NFIB: variants seen among roughly 807,000 people sequenced by gnomAD.
The protein encoded by NFIB is nuclear factor 1 B-type.
In NFIB, 11 loss-of-function variants were observed where a neutral mutation model predicts 61.5. The observed-to-expected ratio is 0.18, with a 90% CI of 0.11 to 0.30. The LOEUF (loss-of-function observed/expected upper bound fraction) is 0.30. NFIB is among the 10% of genes least tolerant of loss of function. The pLI is 1.00. For synonymous variants in NFIB, 260 were observed against 216.5 expected, an observed-to-expected ratio of 1.20 and a Z score of -1.76; for missense variants, 471 against 608.9, an observed-to-expected ratio of 0.77 and a Z score of 2.38.
At chr9:14,242,386 G>T (rs1022067152) in intron 2 of NFIB, among the ~76,000 whole-genome samples, 1 of 152,170 alleles carries the variant, frequency 6.6e-6, no homozygotes, top group Non-Finnish European at 1.5e-5. Context: ...GTTATTGCAA[G>T]AAGTCCTGCA....
rs935149601 is a variant in NFIB at position 14,321,937 on chromosome 9, A to G, written c.109-14417T>C. On this transcript the variant is annotated intron_variant, in intron 1 of 8. Transcript: ENST00000380934. ...ACAAAACCCATCAGTTCAAAGCCAC[A>G]TACCATCGCACTGTATTGCATTAAA... 2.2e-5 allele frequency: 27 copies of G among 1,231,740 alleles called. No homozygotes were observed. In the African/African-American group the frequency reaches 3.7e-4, roughly 17 times the overall value. The allele number at this position is 1,231,740 out of a possible 1,614,324, so 76.3% of individuals were successfully genotyped here.
At position 14,313,896 on chromosome 9, in the gene NFIB, G is replaced by C. The variant is rs1473700088; in HGVS notation, c.-385C>G. The C allele has an allele frequency of 4.6e-6, 5 of 1,079,498 alleles. No individual in the cohort carries two copies. Among genetic ancestry groups the C allele is most frequent in the Non-Finnish European group, 5.6e-6 (5 of 889,756 alleles). The allele number at this position is 1,079,498 out of a possible 1,614,324, so 66.9% of individuals were successfully genotyped here. On this transcript the variant is annotated 5_prime_UTR_variant, in exon 1 of 11. Transcript: ENST00000380953. The surrounding 1 kb of genome is among the most constrained non-coding windows in gnomAD (Gnocchi z 4.5). ...TAGGGGGTGCGCGAAGGTTCGGTGTGGGTTGGATTGGGGTGGTGGTTGGTG... is the reference window on the plus strand; with the variant it reads ...TAGGGGGTGCGCGAAGGTTCGGTGTCGGTTGGATTGGGGTGGTGGTTGGTG...
At chr9:14,288,088 A>AT (rs2058835620) in intron 2 of NFIB, among the ~76,000 whole-genome samples, 1 of 152,090 alleles carries the variant, frequency 6.6e-6, no homozygotes, top group South Asian at 2.1e-4. Flanking sequence ...TGCTTTCTAG[A>AT]TTTTTTAATT....
chr9:14,224,024 A>G (rs915987343), intron 2 of NFIB, among the ~76,000 whole-genome samples: 4 of 152,220 alleles, frequency 2.6e-5, no homozygotes, highest in Admixed American at 6.5e-5. Context: ...ATCTAAAACA[A>G]TATTAAAAGA....
At chr9:14,100,806 T>A (rs2035665644) in intron 10 of NFIB, among the ~76,000 whole-genome samples, 1 of 152,260 alleles carries the variant, frequency 6.6e-6, no homozygotes, top group Admixed American at 6.5e-5. Context: ...TATTTTTAGA[T>A]TTAGTAAGCC....
intron 2 of NFIB, among the ~76,000 whole-genome samples, chr9:14,216,532 CTCTCTCTCTCCCTCTG>C (rs1288344541): frequency 4.4e-4 from 17 of 38,846 alleles, no homozygotes; most frequent in African/African-American, 1.9e-3. Flanking sequence ...CTCTCTCTCT[CTCTCTCTCTCCCTCTG>C]TGTGTGTGTG....
the NFIB span, among the ~76,000 whole-genome samples, chr9:14,463,285 G>T: frequency 1.3e-5 from 2 of 151,748 alleles, no homozygotes; most frequent in Admixed American, 1.3e-4. Flanking sequence ...AAGACTTTAT[G>T]GGCATAATTA....
At chr9:14,292,052 A>G (rs887432746) in intron 2 of NFIB, among the ~76,000 whole-genome samples, 5 of 151,382 alleles carry the variant, frequency 3.3e-5, no homozygotes, top group Non-Finnish European at 7.4e-5. Flanking sequence ...TCTTGAATTA[A>G]TTTATCTTAA....
At chr9:14,279,830 A>T (rs1335994401) in intron 2 of NFIB, among the ~76,000 whole-genome samples, 1 of 152,210 alleles carries the variant, frequency 6.6e-6, no homozygotes, top group East Asian at 1.9e-4. Context: ...TGTAATAATG[A>T]TGTGAACTCA....
chr9:14,129,097 C>G (rs535813289), intron 6 of NFIB, among the ~76,000 whole-genome samples: 2 of 151,856 alleles, frequency 1.3e-5, no homozygotes, highest in Non-Finnish European at 2.9e-5. Context: ...ACAGAAGAAA[C>G]AGAATACAAT....
the NFIB span, among the ~76,000 whole-genome samples, chr9:14,475,708 A>C: frequency 6.6e-6 from 1 of 151,930 alleles, no homozygotes; most frequent in Non-Finnish European, 1.5e-5. Context: ...CTACCAACCC[A>C]CCTGTCAAAT....
chr9:14,328,390 C>T (rs1412802657), intron 1 of NFIB, among the ~76,000 whole-genome samples: 4 of 152,188 alleles, frequency 2.6e-5, no homozygotes, highest in Non-Finnish European at 4.4e-5. Context: ...AAGTGGTCTT[C>T]CTGCCTCAGC....
chr9:14,382,070 T>C (rs2061494500), intron 1 of NFIB, among the ~76,000 whole-genome samples: 1 of 152,174 alleles, frequency 6.6e-6, no homozygotes, highest in Admixed American at 6.5e-5. Context: ...TGCTTTCGAC[T>C]AGCTTGTCTC....
At chr9:14,219,860 C>G (rs1438842418) in intron 2 of NFIB, among the ~76,000 whole-genome samples, 1 of 152,184 alleles carries the variant, frequency 6.6e-6, no homozygotes, top group African/African-American at 2.4e-5. Flanking sequence ...TAAGAATCCT[C>G]TGGAAAGCCA....
At chr9:14,513,658 AAAAAG>A in the NFIB span, among the ~76,000 whole-genome samples, 18 of 113,624 alleles carry the variant, frequency 1.6e-4, no homozygotes, top group Non-Finnish European at 2.2e-4. Context: ...AAAGAAAAAG[AAAAAG>A]AAAAAAAAAG....
intron 8 of NFIB, among the ~76,000 whole-genome samples, chr9:14,119,888 GT>G (rs2038704249): frequency 6.6e-6 from 1 of 151,918 alleles, no homozygotes; most frequent in Non-Finnish European, 1.5e-5. Context: ...ACTGCACAAT[GT>G]TTCCAAAAAA....
intron 3 of NFIB, among the ~76,000 whole-genome samples, chr9:14,166,762 A>C (rs2044839464): frequency 6.6e-6 from 1 of 152,234 alleles, no homozygotes; most frequent in South Asian, 2.1e-4. Context: ...TTCTGGAATA[A>C]GTATCTTGGG....
At chr9:14,135,297 A>T (rs1293005704) in intron 6 of NFIB, among the ~76,000 whole-genome samples, 1 of 152,194 alleles carries the variant, frequency 6.6e-6, no homozygotes. Context: ...ACAATATTGA[A>T]TCCTGTTAGG....
chr9:14,348,901 C>T (rs1426371857), intron 1 of NFIB, among the ~76,000 whole-genome samples: 2 of 152,248 alleles, frequency 1.3e-5, no homozygotes, highest in African/African-American at 2.4e-5. Flanking sequence ...GCGTGTCTAA[C>T]ATTAAAAACA....
Sources: allele counts gnomAD v4.1 joint callset (sites outside exome capture counted in the v4.1 genomes callset), GRCh38; gene constraint gnomAD v4.1.1; non-coding constraint Gnocchi (gnomAD v3.1); transcripts MANE v1.5; gene names NCBI Gene and HGNC (gene_info 2026-07-23, HGNC 2026-07-21).